Variants in TNS1 observed in about 807,000 individuals in gnomAD.
TNS1 encodes the protein tensin-1.
Under a neutral mutation model 168.6 loss-of-function variants are expected in TNS1, and 62 were observed. The ratio of observed to expected loss-of-function variants is 0.37; its 90% CI spans 0.30 to 0.45. The LOEUF (loss-of-function observed/expected upper bound fraction) is 0.45, where lower values mean the gene tolerates loss of function less well. Ranked by LOEUF, TNS1 falls within the 20% of genes least tolerant of loss-of-function variation. The probability of loss-of-function intolerance (pLI) is 1.00; values close to 1 mark genes in which losing one functional copy is unlikely to be tolerated. For missense variants in TNS1, 2,240 were observed against 2,339.4 expected (o/e 0.96, Z 0.88); for synonymous variants, 934 against 933.2 (o/e 1.00, Z -0.02).
At chr2:217,810,933 A>G (rs1940766273) in intron 28 of TNS1, among the ~76,000 whole-genome samples, 1 of 150,340 alleles carries the variant, frequency 6.7e-6, no homozygotes. Flanking sequence ...GCTGGAGTGC[A>G]GTGGCATGAT....
Position 217,880,953 on chromosome 2 carries a change from G to A in TNS1, c.1374C>T (p.Leu458=), listed in dbSNP as rs759157968. The change falls in exon 18 of 33, where the codon CTC becomes CTT. Residue 458 remains leucine (L), a synonymous_variant. Transcript: ENST00000682258. This position sits in a 1 kb window ranked among gnomAD's most constrained non-coding sequence, Gnocchi z 4.2. ...AGTTGTCGTAGGAGTCCCAGCGGAT[G>A]AGGGGGTCGGAGGTGTTATAGTCCA... ...VSVDYNTSDP[L]IRWDSYDNFS... is the part of the protein sequence containing the mutation. 6.2e-7 allele frequency: 1 copy of A among 1,614,100 alleles called. No individual in the cohort carries two copies. The highest frequency in any genetic ancestry group is 1.1e-5 in the South Asian group (1 of 91,072).
chr2:217,925,225 G>A (rs1955954265), intron 3 of TNS1, among the ~76,000 whole-genome samples: 1 of 151,248 alleles, frequency 6.6e-6, no homozygotes, highest in African/African-American at 2.4e-5. Context: ...TCTTTTTTTT[G>A]TGCGTGTGGC....
chr2:217,850,236 T>C (rs1947275908), intron 18 of TNS1: 1 of 985,258 alleles, frequency 1.0e-6, no homozygotes, highest in Admixed American at 6.1e-5. Context: ...AAGGTGGGGC[T>C]CAGCCAAGCC....
chr2:217,902,896 C>A lies in TNS1; in HGVS notation c.322-2384G>T, dbSNP rs181175026. ...TTTGGGGGCACGTGACCCTTGCTGG[C>A]GGACAGCAGACATGCACGGTGACAC... On this transcript the variant is annotated intron_variant, in intron 6 of 32. Coordinates refer to ENST00000682258, the MANE Select transcript of TNS1 (RefSeq NM_001387777.1). 7.6e-4 allele frequency among the ~76,000 whole-genome samples: 116 copies of A among 152,264 alleles called. 1 individual carries two copies. The East Asian group carries it at 0.02, about 26-fold the overall frequency.
upstream of TNS1, among the ~76,000 whole-genome samples, chr2:218,013,928 A>C (rs1022793765): frequency 6.6e-6 from 1 of 152,172 alleles, no homozygotes; most frequent in Non-Finnish European, 1.5e-5. Flanking sequence ...CTTCTCCCCA[A>C]GTTTGCCCTG....
At chr2:217,835,252 G>A (rs1456281593) in intron 20 of TNS1, 86 bp from the exon 21 acceptor site, 16 of 1,277,516 alleles carry the variant, frequency 1.3e-5, no homozygotes, top group Non-Finnish European at 1.7e-5. Flanking sequence ...TGAGGACAGT[G>A]AGTTAACCAG....
At chr2:217,976,176 T>C (rs1957889051) in intron 3 of TNS1, among the ~76,000 whole-genome samples, 1 of 152,168 alleles carries the variant, frequency 6.6e-6, no homozygotes, top group Non-Finnish European at 1.5e-5. Context: ...TTTGCCTATT[T>C]AGTGCCTGTC....
intron 1 of TNS1, among the ~76,000 whole-genome samples, chr2:218,022,873 G>A (rs1958817783): frequency 6.6e-6 from 1 of 152,102 alleles, no homozygotes; most frequent in Non-Finnish European, 1.5e-5. Flanking sequence ...TCCTGGTGAG[G>A]GGGCAGTCAG....
intron 3 of TNS1, among the ~76,000 whole-genome samples, chr2:217,934,399 G>C (rs545503577): frequency 4.6e-5 from 7 of 152,134 alleles, no homozygotes; most frequent in African/African-American, 1.7e-4. Flanking sequence ...CTGGGCCTCC[G>C]GGGAGAATTT....
upstream of TNS1, among the ~76,000 whole-genome samples, chr2:218,011,219 G>A (rs936822996): frequency 1.3e-5 from 2 of 152,204 alleles, no homozygotes; most frequent in Non-Finnish European, 2.9e-5. Context: ...ATTGTGTGAG[G>A]TCATCCTATT....
chr2:217,846,592 G>A (rs1166496871), intron 19 of TNS1, among the ~76,000 whole-genome samples: 1 of 152,168 alleles, frequency 6.6e-6, no homozygotes, highest in African/African-American at 2.4e-5. Flanking sequence ...CCCTGTCTGG[G>A]CTCCACCTCC....
intron 1 of TNS1, among the ~76,000 whole-genome samples, chr2:218,025,342 A>T (rs182667244): frequency 1.3e-5 from 2 of 152,186 alleles, no homozygotes; most frequent in Admixed American, 1.3e-4. Context: ...TCTGCCTCCC[A>T]GTTTCAAGAC....
intron 18 of TNS1, among the ~76,000 whole-genome samples, chr2:217,871,737 C>T (rs1293788524): frequency 1.3e-5 from 2 of 152,272 alleles, no homozygotes; most frequent in Non-Finnish European, 2.9e-5. Flanking sequence ...TCTCACCACT[C>T]TCCCATCCGG....
At chr2:217,815,177 C>T (rs1231294154) in intron 24 of TNS1, 179 bp from the exon 25 acceptor site, 4 of 597,226 alleles carry the variant, frequency 6.7e-6, no homozygotes, top group Non-Finnish European at 1.2e-5. Context: ...ATCCAGTATG[C>T]CTGTATGCCT....
At chr2:217,940,375 G>C (rs544707503) in intron 3 of TNS1, among the ~76,000 whole-genome samples, 3 of 152,320 alleles carry the variant, frequency 2.0e-5, no homozygotes, top group East Asian at 1.9e-4. Flanking sequence ...TGGGGTCAAA[G>C]AGGCTTTTGG....
At chr2:218,019,590 C>G (rs1289045132) in intron 1 of TNS1, among the ~76,000 whole-genome samples, 2 of 152,250 alleles carry the variant, frequency 1.3e-5, no homozygotes, top group Non-Finnish European at 2.9e-5. Flanking sequence ...CCTCCTCATG[C>G]CTTTGCCCTG....
At chr2:217,894,701 G>A (rs903653672) in intron 9 of TNS1, among the ~76,000 whole-genome samples, 1 of 152,038 alleles carries the variant, frequency 6.6e-6, no homozygotes, top group Admixed American at 6.6e-5. Context: ...CTGGAAGGTC[G>A]AAAGCAGCGG....
At chr2:217,821,183 G>A (rs912250527) in intron 23 of TNS1, among the ~76,000 whole-genome samples, 1 of 152,148 alleles carries the variant, frequency 6.6e-6, no homozygotes, top group African/African-American at 2.4e-5. Flanking sequence ...TGCAGGGAGG[G>A]CGCCATGATG....
intron 3 of TNS1, among the ~76,000 whole-genome samples, chr2:217,965,767 C>A (rs950162496): frequency 1.3e-5 from 2 of 152,162 alleles, no homozygotes; most frequent in African/African-American, 2.4e-5. Context: ...TCAACGGGCA[C>A]CACAGACCCC....
Sources: gnomAD v4.1 joint callset for allele counts (sites outside exome capture counted in the v4.1 genomes callset) on GRCh38, gnomAD v4.1.1 for gene constraint, Gnocchi (gnomAD v3.1) non-coding constraint, MANE v1.5 for transcripts, NCBI Gene and HGNC (gene_info 2026-07-23, HGNC 2026-07-21) for gene names.